Variants in PTPRD observed in about 807,000 individuals in gnomAD.
The protein encoded by PTPRD is receptor-type tyrosine-protein phosphatase delta.
PTPRD carries 34 observed loss-of-function variants against 214.5 expected under a neutral mutation model. The observed-to-expected ratio is 0.16, with a 90% confidence interval of 0.12 to 0.21. PTPRD has a LOEUF of 0.21. Among genes scored for constraint, PTPRD ranks in the 10% least tolerant of loss-of-function variants. The pLI, the probability that PTPRD is intolerant of heterozygous loss-of-function variation, is 1.00. For missense variants in PTPRD, 2,545 were observed against 2,398.7 expected (o/e 1.06, Z -1.27); for synonymous variants, 1,128 against 845.7 (o/e 1.33, Z -5.79).
chr9:10,261,096 T>TATAG (rs2093673118), intron 3 of PTPRD, among the ~76,000 whole-genome samples: 2 of 146,172 alleles, frequency 1.4e-5, no homozygotes, highest in Non-Finnish European at 3.0e-5. Flanking sequence ...TATATATATA[T>TATAG]AGAGAGAGAG....
chr9:10,263,293 C>G (rs2093818426), intron 3 of PTPRD, among the ~76,000 whole-genome samples: 1 of 152,042 alleles, frequency 6.6e-6, no homozygotes, highest in Non-Finnish European at 1.5e-5. Flanking sequence ...TTGGAAGGCT[C>G]AGAAGAAGAC....
intron 10 of PTPRD, among the ~76,000 whole-genome samples, chr9:9,054,835 A>T (rs2099693299): frequency 6.6e-6 from 1 of 152,150 alleles, no homozygotes; most frequent in Non-Finnish European, 1.5e-5. Context: ...AATGATTTCA[A>T]AATACTGTTT....
chr9:10,472,150 C>A (rs2099035119), intron 2 of PTPRD, among the ~76,000 whole-genome samples: 5 of 152,010 alleles, frequency 3.3e-5, no homozygotes, highest in Admixed American at 3.3e-4. Flanking sequence ...AGTAAATGAA[C>A]TATTTGTCCA....
At chr9:9,434,535 T>C (rs1211692142) in intron 8 of PTPRD, among the ~76,000 whole-genome samples, 1 of 152,244 alleles carries the variant, frequency 6.6e-6, no homozygotes, top group Non-Finnish European at 1.5e-5. Flanking sequence ...CTGAAGTTTA[T>C]ATGGAGCCAC....
At chr9:9,196,578 C>A (rs1048739742) in intron 9 of PTPRD, among the ~76,000 whole-genome samples, 4 of 152,100 alleles carry the variant, frequency 2.6e-5, no homozygotes, top group African/African-American at 7.2e-5. Flanking sequence ...CCATTTTAAA[C>A]AAATAACTTT....
At chr9:9,524,853 G>C (rs899145883) in intron 8 of PTPRD, among the ~76,000 whole-genome samples, 178 of 132,560 alleles carry the variant, frequency 1.3e-3, no homozygotes, top group African/African-American at 5.2e-3. Flanking sequence ...TTGCTTGCTT[G>C]TTTGTTTGTT....
chr9:9,701,126 G>T (rs1029014268), intron 7 of PTPRD, among the ~76,000 whole-genome samples: 12 of 152,018 alleles, frequency 7.9e-5, no homozygotes, highest in South Asian at 4.1e-4. Flanking sequence ...TCATACACAG[G>T]CATTGAGAGA....
At chr9:8,698,229 ACT>A (rs2097972730) in intron 12 of PTPRD, among the ~76,000 whole-genome samples, 1 of 152,196 alleles carries the variant, frequency 6.6e-6, no homozygotes, top group Non-Finnish European at 1.5e-5. Flanking sequence ...CTGAATACCT[ACT>A]GTGTGATAGA....
intron 12 of PTPRD, chr9:8,700,987 C>T (rs1479473782): frequency 6.6e-6 from 1 of 151,222 alleles, no homozygotes; most frequent in African/African-American, 2.4e-5. Context: ...ATGGTGAATC[C>T]CCGTCTCTAT....
chr9:9,964,262 G>A (rs924063191), intron 4 of PTPRD, among the ~76,000 whole-genome samples: 13 of 152,104 alleles, frequency 8.5e-5, no homozygotes, highest in Non-Finnish European at 1.6e-4. Context: ...ATATTTAACC[G>A]CTACTAGGAC....
intron 30 of PTPRD, among the ~76,000 whole-genome samples, 165 bp downstream of exon 30, chr9:8,483,954 G>A (rs2096943955): frequency 6.6e-6 from 1 of 152,134 alleles, no homozygotes; most frequent in Non-Finnish European, 1.5e-5. Flanking sequence ...ATGAATACTA[G>A]GACACGTTGT....
chr9:8,678,042 G>C (rs2097467848), intron 12 of PTPRD, among the ~76,000 whole-genome samples: 1 of 152,132 alleles, frequency 6.6e-6, no homozygotes, highest in South Asian at 2.1e-4. Context: ...CTGTGTGACA[G>C]CTTGGAATCC....
intron 7 of PTPRD, among the ~76,000 whole-genome samples, chr9:9,692,222 C>T (rs1167209036): frequency 6.6e-6 from 1 of 151,142 alleles, no homozygotes. Flanking sequence ...TGGAGAGTTT[C>T]CTCAATCTAT....
chr9:9,753,368 G>A (rs192520560), intron 6 of PTPRD, among the ~76,000 whole-genome samples: 47 of 152,046 alleles, frequency 3.1e-4, no homozygotes, highest in Non-Finnish European at 5.6e-4. Context: ...AGCTGGACCC[G>A]CCAGAGCTGG....
intron 2 of PTPRD, among the ~76,000 whole-genome samples, chr9:10,395,356 G>C (rs1029496285): frequency 1.3e-5 from 2 of 151,152 alleles, no homozygotes; most frequent in African/African-American, 4.9e-5. Context: ...GCGGTGTTTG[G>C]TTTTTTCTCA....
intron 8 of PTPRD, among the ~76,000 whole-genome samples, chr9:9,404,358 G>C (rs1034197985): frequency 5.3e-5 from 8 of 152,112 alleles, no homozygotes; most frequent in Admixed American, 3.3e-4. Flanking sequence ...TTATACTAAA[G>C]TGTAGCTGGA....
intron 2 of PTPRD, among the ~76,000 whole-genome samples, chr9:10,506,637 A>G (rs1312111195): frequency 6.6e-6 from 1 of 152,070 alleles, no homozygotes; most frequent in African/African-American, 2.4e-5. Flanking sequence ...AAAAAATTAT[A>G]TTATTGTTGC....
chr9:8,361,405 G>A (rs1408054293), intron 39 of PTPRD, among the ~76,000 whole-genome samples: 1 of 152,146 alleles, frequency 6.6e-6, no homozygotes, highest in East Asian at 1.9e-4. Flanking sequence ...TTCCAAAGAG[G>A]GAGGTGGTTT....
At chr9:10,193,159 TC>T (rs534838707) in intron 3 of PTPRD, among the ~76,000 whole-genome samples, 9 of 152,142 alleles carry the variant, frequency 5.9e-5, no homozygotes, top group Non-Finnish European at 1.3e-4. Flanking sequence ...TGATCTCTGG[TC>T]TTTAGAGACT....
Sources: gnomAD v4.1 joint callset for allele counts (sites outside exome capture counted in the v4.1 genomes callset) on GRCh38, gnomAD v4.1.1 for gene constraint, MANE v1.5 for transcripts, NCBI Gene and HGNC (gene_info 2026-07-23, HGNC 2026-07-21) for gene names.